The following ADAMTSL1 variants were observed in gnomAD, a reference collection of about 807,000 sequenced individuals.
ADAMTSL1 encodes the protein ADAMTS like 1, also known as ADAMTS-like protein 1.
A neutral mutation model predicts 201.8 loss-of-function variants in ADAMTSL1; 126 were observed. The ratio of observed to expected loss-of-function variants is 0.62; its 90% CI spans 0.54 to 0.72. The LOEUF (loss-of-function observed/expected upper bound fraction) is 0.72. Among genes scored for constraint, ADAMTSL1 ranks in the 30% least tolerant of loss-of-function variants. The pLI is 0.00. For synonymous variants in ADAMTSL1, 1,121 were observed against 903.4 expected, an observed-to-expected ratio of 1.24 and a Z score of -4.32; for missense variants, 2,679 against 2,277.8, an observed-to-expected ratio of 1.18 and a Z score of -3.59.
intron 2 of ADAMTSL1, among the ~76,000 whole-genome samples, chr9:18,355,533 AT>A (rs1287882789): frequency 2.6e-5 from 4 of 152,188 alleles, no homozygotes; most frequent in African/African-American, 7.2e-5. Flanking sequence ...ATGTATTTCT[AT>A]AGTGTTAATG....
At chr9:18,290,142 A>C (rs530602760) in intron 2 of ADAMTSL1, among the ~76,000 whole-genome samples, 2 of 152,330 alleles carry the variant, frequency 1.3e-5, no homozygotes, top group Non-Finnish European at 2.9e-5. Flanking sequence ...CATATCTTTT[A>C]ATAGAAGAGG....
chr9:18,121,864 A>G (rs1825512669), intron 1 of ADAMTSL1, among the ~76,000 whole-genome samples: 1 of 152,230 alleles, frequency 6.6e-6, no homozygotes, highest in South Asian at 2.1e-4. Flanking sequence ...CACCATTCTT[A>G]AAACTCTTTA....
In ADAMTSL1 at chr9:18,771,507, C is replaced by T. The variant is rs1423361578; in HGVS notation, c.2397+726C>T. On this transcript the variant is annotated intron_variant, in intron 17 of 28. Coordinates refer to ENST00000380548, the MANE Select transcript of ADAMTSL1 (RefSeq NM_001040272.6). ...CCTTTGTTTTCAGCCACTACCACTTCGAGTTGCCTTCGACTTCTCCACCTC... is the reference window on the plus strand; with the variant it reads ...CCTTTGTTTTCAGCCACTACCACTTTGAGTTGCCTTCGACTTCTCCACCTC... 2.0e-5 allele frequency among the ~76,000 whole-genome samples: 3 copies of T among 152,162 alleles called. No homozygotes were observed. The East Asian group carries it at 5.8e-4, about 29-fold the overall frequency.
intron 4 of ADAMTSL1, among the ~76,000 whole-genome samples, chr9:18,584,767 A>G (rs7855730): frequency 6.6e-6 from 1 of 152,130 alleles, no homozygotes; most frequent in African/African-American, 2.4e-5. Flanking sequence ...AAATTTACTC[A>G]GTATTGGTGG....
At chr9:18,361,762 G>T (rs1436827237) in intron 2 of ADAMTSL1, among the ~76,000 whole-genome samples, 2 of 152,172 alleles carry the variant, frequency 1.3e-5, no homozygotes, top group African/African-American at 4.8e-5. Context: ...CGGAGACTTT[G>T]TAGCTTAGTG....
At position 18,462,502 on chromosome 9, in the gene ADAMTSL1, A is replaced by G. The variant is rs80219560; in HGVS notation, c.208-42327A>G. On this transcript the variant is annotated intron_variant, in intron 2 of 29. Transcript: ENST00000680146. ...TATAAATACAAATAAAATTTTTTATATAACTATGACCTTTGATAAGTTCTG... is the reference window on the plus strand; with the variant it reads ...TATAAATACAAATAAAATTTTTTATGTAACTATGACCTTTGATAAGTTCTG... Among the ~76,000 whole-genome samples, 917 of 152,338 alleles carry G rather than the reference A, an allele frequency of 6.0e-3. 8 individuals are homozygous for G. Among genetic ancestry groups the G allele is most frequent in the African/African-American group, 0.021 (874 of 41,574 alleles).
At chr9:18,027,477 A>T (rs1054127471) in intron 1 of ADAMTSL1, among the ~76,000 whole-genome samples, 1 of 151,906 alleles carries the variant, frequency 6.6e-6, no homozygotes, top group African/African-American at 2.4e-5. Flanking sequence ...TTTACCCAAA[A>T]GTAATTCAGG....
At chr9:18,739,899 C>CTG (rs5896804) in intron 15 of ADAMTSL1, among the ~76,000 whole-genome samples, 22,209 of 148,116 alleles carry the variant, frequency 0.15, 2,095 homozygotes, top group African/African-American at 0.29. Context: ...TGTCTACTAT[C>CTG]TGTGTGTGTG....
chr9:18,461,299 T>A (rs1037005586), intron 2 of ADAMTSL1, among the ~76,000 whole-genome samples: 3 of 152,212 alleles, frequency 2.0e-5, no homozygotes, highest in African/African-American at 7.2e-5. Context: ...TTTTTCTCTT[T>A]AATTTTGTGA....
At chr9:18,854,697 G>C (rs893907209) in intron 23 of ADAMTSL1, among the ~76,000 whole-genome samples, 11 of 152,178 alleles carry the variant, frequency 7.2e-5, no homozygotes, top group African/African-American at 2.4e-4. Context: ...AGAGTGAATA[G>C]CTGGGCTCTA....
chr9:18,018,651 A>G (rs1454557993), intron 1 of ADAMTSL1, among the ~76,000 whole-genome samples: 1 of 152,034 alleles, frequency 6.6e-6, no homozygotes, highest in Non-Finnish European at 1.5e-5. Flanking sequence ...AACCCCATCA[A>G]TTAAACTCCC....
chr9:18,443,829 A>T (rs1820088478), intron 2 of ADAMTSL1, among the ~76,000 whole-genome samples: 1 of 152,330 alleles, frequency 6.6e-6, no homozygotes, highest in Non-Finnish European at 1.5e-5. Flanking sequence ...TACATAGACT[A>T]TAATATTGTC....
intron 2 of ADAMTSL1, among the ~76,000 whole-genome samples, chr9:18,520,067 C>T (rs1487443831): frequency 6.6e-6 from 1 of 152,188 alleles, no homozygotes; most frequent in Non-Finnish European, 1.5e-5. Context: ...ATAGTTTAGA[C>T]ATACCAAACA....
chr9:18,109,689 A>AC (rs1824917030), intron 1 of ADAMTSL1, among the ~76,000 whole-genome samples: 1 of 152,042 alleles, frequency 6.6e-6, no homozygotes, highest in South Asian at 2.1e-4. Flanking sequence ...AGCCTTTTAG[A>AC]CCCCCTTTAC....
At chr9:18,848,674 A>G (rs1237326984) in intron 23 of ADAMTSL1, among the ~76,000 whole-genome samples, 1 of 152,228 alleles carries the variant, frequency 6.6e-6, no homozygotes, top group African/African-American at 2.4e-5. Flanking sequence ...GACTTCCTGA[A>G]GCACCTACTC....
intron 1 of ADAMTSL1, among the ~76,000 whole-genome samples, chr9:18,485,830 G>C (rs191319853): frequency 1.3e-5 from 2 of 152,178 alleles, no homozygotes; most frequent in East Asian, 1.9e-4. Flanking sequence ...AAGACAGCTG[G>C]GATGGCCACA....
chr9:18,646,081 G>C (rs1252824598), intron 7 of ADAMTSL1, among the ~76,000 whole-genome samples: 1 of 151,904 alleles, frequency 6.6e-6, no homozygotes, highest in Non-Finnish European at 1.5e-5. Flanking sequence ...GTGGTTTGTA[G>C]TTCTCCTTGA....
chr9:17,970,184 G>A (rs2772682), intron 1 of ADAMTSL1, among the ~76,000 whole-genome samples: 89,894 of 151,642 alleles, frequency 0.59, 27,227 homozygotes, highest in East Asian at 0.92. Context: ...TTCAAATAAT[G>A]TTCTACCATC....
chr9:17,927,414 G>A (rs1267029985), intron 1 of ADAMTSL1, among the ~76,000 whole-genome samples: 1 of 150,822 alleles, frequency 6.6e-6, no homozygotes, highest in Non-Finnish European at 1.5e-5. Flanking sequence ...ATATGTATGT[G>A]TATATACATG....
Sources: allele counts gnomAD v4.1 joint callset (sites outside exome capture counted in the v4.1 genomes callset), GRCh38; gene constraint gnomAD v4.1.1; transcripts MANE v1.5; gene names NCBI Gene and HGNC (gene_info 2026-07-23, HGNC 2026-07-21).